Variants in GPR89B observed in about 807,000 individuals in gnomAD.
The protein encoded by GPR89B is G protein-coupled receptor 89B.
In GPR89B, 25 loss-of-function variants were observed where a neutral mutation model predicts 52.4. That is an observed-to-expected ratio of 0.48 (90% confidence interval 0.35 to 0.67). GPR89B has a LOEUF of 0.67. GPR89B is among the 30% of genes least tolerant of loss of function. The pLI is 0.01. For synonymous variants in GPR89B, 52 were observed against 151.2 expected (o/e 0.34, Z 4.81); for missense variants, 146 against 450.2 (o/e 0.32, Z 6.11).
intron 1 of GPR89B, among the ~76,000 whole-genome samples, chr1:147,932,420 A>G (rs1182823420): frequency 1.3e-5 from 2 of 152,098 alleles, no homozygotes; most frequent in African/African-American, 2.4e-5. Flanking sequence ...GAAGGCTACT[A>G]TAGAAAATCA....
At chr1:147,937,653 G>A (rs1254392391) in intron 2 of GPR89B, among the ~76,000 whole-genome samples, 1 of 152,142 alleles carries the variant, frequency 6.6e-6, no homozygotes, top group Non-Finnish European at 1.5e-5. Context: ...CTCGCTTTCT[G>A]CAAGAAGAAG....
intron 5 of GPR89B, among the ~76,000 whole-genome samples, chr1:147,950,691 G>A (rs1273597798): frequency 3.9e-5 from 6 of 152,210 alleles, no homozygotes; most frequent in African/African-American, 1.4e-4. Context: ...GGCACCTCGG[G>A]AGGCCGAGGC....
chr1:147,950,982 G>T (rs1185516283), intron 5 of GPR89B, among the ~76,000 whole-genome samples: 6 of 151,968 alleles, frequency 3.9e-5, no homozygotes, highest in African/African-American at 1.5e-4. Context: ...AGAGGGAGAG[G>T]GAGAGCGATA....
the GPR89B span, among the ~76,000 whole-genome samples, chr1:148,016,996 T>TCTTGCTTGCTTGCTTG: frequency 1.3e-5 from 2 of 151,066 alleles, no homozygotes; most frequent in African/African-American, 4.9e-5. Flanking sequence ...TTTGGTTTTG[T>TCTTGCTTGCTTGCTTG]CTTGCTTGCT....
chr1:148,009,975 C>A, the GPR89B span, among the ~76,000 whole-genome samples: 1 of 151,798 alleles, frequency 6.6e-6, no homozygotes, highest in African/African-American at 2.4e-5. Flanking sequence ...GAGTTAAACC[C>A]CAGTCTCCAG....
At chr1:147,962,971 T>G (rs2149070247) in intron 7 of GPR89B, among the ~76,000 whole-genome samples, 1 of 149,294 alleles carries the variant, frequency 6.7e-6, no homozygotes, top group Admixed American at 6.6e-5. Context: ...AAAAAGAATC[T>G]TTGGAATCAA....
chr1:148,013,886 T>C, the GPR89B span, among the ~76,000 whole-genome samples: 6 of 151,950 alleles, frequency 3.9e-5, no homozygotes, highest in Middle Eastern at 3.4e-3. Flanking sequence ...GGTTGAGATA[T>C]GTGAAGCAGC....
chr1:148,015,857 T>G, the GPR89B span, among the ~76,000 whole-genome samples: 2 of 151,522 alleles, frequency 1.3e-5, no homozygotes, highest in African/African-American at 4.9e-5. Context: ...TTTATATCAT[T>G]CCATTCTCTC....
At chr1:147,968,837 C>G in intron 8 of GPR89B, 38 bp from the exon 9 acceptor site, 3 of 1,613,394 alleles carry the variant, frequency 1.9e-6, no homozygotes, top group Non-Finnish European at 2.5e-6. Flanking sequence ...TCTTGAAATT[C>G]CTATGTGATT....
At chr1:148,015,026 TG>T in the GPR89B span, 3 of 151,920 alleles carry the variant, frequency 2.0e-5, no homozygotes, top group Admixed American at 1.3e-4. Flanking sequence ...GATGGGCGCT[TG>T]CTCTGCATGG....
intron 7 of GPR89B, among the ~76,000 whole-genome samples, chr1:147,965,300 A>G (rs1320083047): frequency 3.3e-5 from 5 of 151,054 alleles, no homozygotes; most frequent in Non-Finnish European, 5.9e-5. Flanking sequence ...GATCTTTGGT[A>G]CCATTGCTAC....
the GPR89B span, among the ~76,000 whole-genome samples, chr1:148,000,183 CTAAA>C: frequency 2.0e-5 from 3 of 151,250 alleles, no homozygotes; most frequent in African/African-American, 7.3e-5. Context: ...TCTATCCTAA[CTAAA>C]TATTTTGAGT....
intron 3 of GPR89B, among the ~76,000 whole-genome samples, chr1:147,940,512 A>G (rs1453798055): frequency 6.6e-6 from 1 of 152,068 alleles, no homozygotes; most frequent in East Asian, 1.9e-4. Flanking sequence ...TGGTTATTAA[A>G]TTTTATTATC....
chr1:147,949,905 G>A (rs1423433421), intron 5 of GPR89B, among the ~76,000 whole-genome samples: 5 of 133,956 alleles, frequency 3.7e-5, no homozygotes, highest in African/African-American at 6.1e-5. Flanking sequence ...CCCGGACGGG[G>A]CGGCTGGCCG....
At chr1:147,963,512 A>G (rs1389009850) in intron 7 of GPR89B, among the ~76,000 whole-genome samples, 1 of 152,100 alleles carries the variant, frequency 6.6e-6, no homozygotes, top group Non-Finnish European at 1.5e-5. Context: ...TTTAAAAAAA[A>G]TGCAGTTAGA....
intron 7 of GPR89B, among the ~76,000 whole-genome samples, chr1:147,959,343 A>C (rs1656366982): frequency 1.3e-5 from 2 of 152,294 alleles, no homozygotes; most frequent in East Asian, 1.9e-4. Flanking sequence ...GCCATTCTCA[A>C]TAGAGGAAAC....
chr1:148,009,758 A>G, the GPR89B span, among the ~76,000 whole-genome samples: 5 of 152,254 alleles, frequency 3.3e-5, no homozygotes, highest in Non-Finnish European at 5.9e-5. Flanking sequence ...CTGCCCTCCC[A>G]AGATCCAGGT....
At position 147,936,664 on chromosome 1, in the gene GPR89B, G is replaced by T. The variant is rs781958553; in HGVS notation, c.80G>T (p.Arg27Leu). The T allele has an allele frequency of 6.2e-7, 1 of 1,611,286 alleles. No individual in the cohort carries two copies. The highest frequency in any genetic ancestry group is 8.5e-7 in the Non-Finnish European group (1 of 1,178,038). The change falls in exon 2 of 14, where the codon CGC (arginine) becomes CTC (leucine). Residue 27 changes from arginine to leucine, a missense_variant. Arg to Leu is a moderately radical substitution (Grantham distance 102, BLOSUM62 -2). Coordinates refer to ENST00000314163, the MANE Select transcript of GPR89B (RefSeq NM_016334.5). ...GGATTTGGGTGGCTTTTCTTCATGC[G>T]CCAATTGTTTAAAGACTATGAGGTG... Reference protein sequence around the residue: ...FFGFGWLFFMRQLFKDYEIRQ... With the variant: ...FFGFGWLFFMLQLFKDYEIRQ...
chr1:148,009,236 C>T, the GPR89B span: 1 of 1,365,594 alleles, frequency 7.3e-7, no homozygotes. Context: ...TCTATAGCAA[C>T]TGAAAAGTCA....
Sources: allele counts gnomAD v4.1 joint callset (sites outside exome capture counted in the v4.1 genomes callset), GRCh38; gene constraint gnomAD v4.1.1; transcripts MANE v1.5; gene names NCBI Gene and HGNC (gene_info 2026-07-23, HGNC 2026-07-21).